The following GLIS3 variants were observed in gnomAD, a reference collection of about 807,000 sequenced individuals.
GLIS3 encodes GLIS family zinc finger 3.
A neutral mutation model predicts 78.6 loss-of-function variants in GLIS3; 53 were observed. The ratio of observed to expected loss-of-function variants is 0.67; its 90% CI spans 0.54 to 0.85. The LOEUF (loss-of-function observed/expected upper bound fraction) is 0.85. GLIS3 is among the 40% of genes least tolerant of loss of function. The pLI is 0.00. For missense variants in GLIS3, 1,703 were observed against 1,231.1 expected (o/e 1.38, Z -5.74); for synonymous variants, 684 against 509.9 (o/e 1.34, Z -4.60).
At chr9:4,216,265 A>G (rs775357454) in intron 2 of GLIS3, among the ~76,000 whole-genome samples, 24 of 151,860 alleles carry the variant, frequency 1.6e-4, no homozygotes, top group Admixed American at 5.9e-4. Flanking sequence ...GAGGTCAGGA[A>G]ATCGAGACCA....
chr9:4,405,873 G>A, the GLIS3 span, among the ~76,000 whole-genome samples: 1 of 152,078 alleles, frequency 6.6e-6, no homozygotes, highest in African/African-American at 2.4e-5. Flanking sequence ...CATTCATTAT[G>A]ATCAAATGGG....
the GLIS3 span, among the ~76,000 whole-genome samples, chr9:4,375,652 T>A: frequency 1.3e-5 from 2 of 152,218 alleles, no homozygotes; most frequent in Admixed American, 1.3e-4. Flanking sequence ...TATGGAATGT[T>A]TGCTTCTACA....
At chr9:4,317,411 T>C (rs1817454601) in intron 2 of GLIS3, among the ~76,000 whole-genome samples, 3 of 152,196 alleles carry the variant, frequency 2.0e-5, no homozygotes, top group Admixed American at 2.0e-4. Flanking sequence ...CCCGAGACAT[T>C]CTTCTTGCAG....
the GLIS3 span, among the ~76,000 whole-genome samples, chr9:4,450,901 A>G: frequency 2.6e-5 from 4 of 152,266 alleles, no homozygotes; most frequent in African/African-American, 9.6e-5. Context: ...AAACGTGCCA[A>G]ATTGTAAAGA....
chr9:4,104,698 T>C (rs1272892055), intron 4 of GLIS3, among the ~76,000 whole-genome samples: 2 of 152,198 alleles, frequency 1.3e-5, no homozygotes, highest in Non-Finnish European at 2.9e-5. Context: ...CTCCTTGATG[T>C]TTCTAGAACA....
intron 2 of GLIS3, among the ~76,000 whole-genome samples, chr9:4,177,877 G>A (rs746966996): frequency 6.6e-6 from 1 of 152,180 alleles, no homozygotes; most frequent in Non-Finnish European, 1.5e-5. Context: ...TCCAGCAGAT[G>A]TATCAACCAT....
At chr9:3,971,263 T>C (rs975228115) in intron 4 of GLIS3, among the ~76,000 whole-genome samples, 2 of 152,140 alleles carry the variant, frequency 1.3e-5, no homozygotes, top group African/African-American at 2.4e-5. Flanking sequence ...ATGAAGACAC[T>C]ACACACTTTC....
At chr9:4,477,224 T>C in the GLIS3 span, among the ~76,000 whole-genome samples, 1 of 152,056 alleles carries the variant, frequency 6.6e-6, no homozygotes, top group African/African-American at 2.4e-5. Flanking sequence ...AATGCAATCT[T>C]AGCCTTACAA....
upstream of GLIS3, among the ~76,000 whole-genome samples, chr9:4,350,344 G>C (rs1817953070): frequency 6.6e-6 from 1 of 152,198 alleles, no homozygotes; most frequent in South Asian, 2.1e-4. Flanking sequence ...GACTATTTCA[G>C]TTATTGCACT....
chr9:4,039,165 C>G (rs141074544), intron 4 of GLIS3, among the ~76,000 whole-genome samples: 1 of 152,144 alleles, frequency 6.6e-6, no homozygotes. Context: ...CACACTCTAC[C>G]CATTTCATAT....
chr9:3,914,017 A>C (rs1221954957), intron 6 of GLIS3, among the ~76,000 whole-genome samples: 1 of 152,220 alleles, frequency 6.6e-6, no homozygotes, highest in Non-Finnish European at 1.5e-5. Flanking sequence ...GTCACATGCA[A>C]CATCAGGGGA....
chr9:4,473,589 A>T, the GLIS3 span, among the ~76,000 whole-genome samples: 1 of 152,148 alleles, frequency 6.6e-6, no homozygotes, highest in Non-Finnish European at 1.5e-5. Context: ...GAGCTAAATG[A>T]TGAGAACACA....
At chr9:3,843,311 T>A (rs1818835249) in intron 9 of GLIS3, among the ~76,000 whole-genome samples, 1 of 152,208 alleles carries the variant, frequency 6.6e-6, no homozygotes, top group South Asian at 2.1e-4. Context: ...AATGACTCAA[T>A]TATTTTTCCC....
intron 4 of GLIS3, among the ~76,000 whole-genome samples, chr9:4,058,558 C>A (rs1436814336): frequency 2.6e-5 from 4 of 152,076 alleles, no homozygotes; most frequent in Non-Finnish European, 4.4e-5. Context: ...TAATTTTAAA[C>A]CCTGCCTAAT....
intron 2 of GLIS3, among the ~76,000 whole-genome samples, chr9:4,284,927 T>C (rs1827858596): frequency 1.3e-5 from 2 of 150,746 alleles, no homozygotes; most frequent in Non-Finnish European, 2.9e-5. Context: ...TCAAAAAATT[T>C]TCTAATTTAA....
At chr9:3,879,331 G>A (rs1821562500) in intron 8 of GLIS3, 96 bp downstream of exon 8, 4 of 1,220,692 alleles carry the variant, frequency 3.3e-6, no homozygotes, top group Admixed American at 1.7e-5. Context: ...ACCCACCAAC[G>A]GATTATTAAT....
chr9:4,161,512 C>G (rs889375887), intron 2 of GLIS3, among the ~76,000 whole-genome samples: 1 of 152,018 alleles, frequency 6.6e-6, no homozygotes, highest in East Asian at 1.9e-4. Flanking sequence ...TAGTCAGTGT[C>G]TACTTGTCTC....
At chr9:3,865,319 G>T (rs1820501138) in intron 8 of GLIS3, among the ~76,000 whole-genome samples, 1 of 152,168 alleles carries the variant, frequency 6.6e-6, no homozygotes, top group African/African-American at 2.4e-5. Flanking sequence ...TCTCCTGACT[G>T]TCGCTACGTG....
intron 2 of GLIS3, among the ~76,000 whole-genome samples, chr9:4,282,772 T>C (rs1302766625): frequency 2.0e-5 from 3 of 152,084 alleles, no homozygotes; most frequent in African/African-American, 7.2e-5. Flanking sequence ...AATATACACA[T>C]GTAGATATGT....
Sources: allele counts gnomAD v4.1 joint callset (sites outside exome capture counted in the v4.1 genomes callset), GRCh38; gene constraint gnomAD v4.1.1; transcripts MANE v1.5; gene names NCBI Gene and HGNC (gene_info 2026-07-23, HGNC 2026-07-21).